The following NCOR1 variants were observed in gnomAD, a reference collection of about 807,000 sequenced individuals.
The protein encoded by NCOR1 is protein phosphatase 1, regulatory subunit 109.
In NCOR1, 63 loss-of-function variants were observed where a neutral mutation model predicts 288.1. That is an observed-to-expected ratio of 0.22 (90% CI 0.18 to 0.27). The LOEUF (loss-of-function observed/expected upper bound fraction) is 0.27, where lower values mean the gene tolerates loss of function less well. Among genes scored for constraint, NCOR1 ranks in the 10% least tolerant of loss-of-function variants. The probability of loss-of-function intolerance (pLI) is 1.00; values close to 1 mark genes in which losing one functional copy is unlikely to be tolerated. For missense variants in NCOR1, 2,397 were observed against 3,019.2 expected (o/e 0.79, Z 4.83); for synonymous variants, 1,007 against 1,065.9 (o/e 0.94, Z 1.08).
At position 16,174,027 on chromosome 17, in the gene NCOR1, C is replaced by T. The variant is rs143253675; in HGVS notation, c.243-2032G>A. Reference sequence around the variant, plus strand: ...GCTTATGACTTTAAACACTGAAAACCACAAAACATTGCTCGAAGAAATAAA... The same window carrying T: ...GCTTATGACTTTAAACACTGAAAACTACAAAACATTGCTCGAAGAAATAAA... On this transcript the variant is annotated intron_variant, in intron 3 of 45. Transcript: ENST00000268712. Among the ~76,000 whole-genome samples, 15 of 151,796 alleles carry T rather than the reference C, an allele frequency of 9.9e-5. No homozygotes were observed. The East Asian group carries it at 2.9e-3, about 29-fold the overall frequency.
intron 1 of NCOR1, among the ~76,000 whole-genome samples, chr17:16,202,814 C>CT (rs1442568076): frequency 6.6e-6 from 1 of 152,126 alleles, no homozygotes. Flanking sequence ...TGAACAGACT[C>CT]TGTTTTTTGC....
chr17:16,164,317 C>G (rs962261980), intron 5 of NCOR1, among the ~76,000 whole-genome samples: 5 of 150,332 alleles, frequency 3.3e-5, no homozygotes, highest in African/African-American at 1.2e-4. Context: ...AGTGAAGTGA[C>G]AGGCCAAAAA....
Position 16,061,915 on chromosome 17 carries a change from C to T in NCOR1, c.5388-21G>A, listed in dbSNP as rs530228618. ...GTGGCCTGTAAATAAAACCAAATCA[C>T]AGCTCTGTGAAGGGAAGACCATTTG... is the stretch of plus-strand genomic sequence containing the variant. On this transcript the variant is annotated intron_variant, in intron 36 of 45. Coordinates refer to ENST00000268712, the MANE Select transcript of NCOR1 (RefSeq NM_006311.4). The T allele has an allele frequency of 1.2e-5, 19 of 1,589,298 alleles. No homozygotes were observed. In the African/African-American group the frequency reaches 2.6e-4, roughly 22 times the overall value.
intron 40 of NCOR1, among the ~76,000 whole-genome samples, chr17:16,050,240 T>A (rs186452832): frequency 0.028 from 4,316 of 151,588 alleles, 86 homozygotes; most frequent in Non-Finnish European, 0.042. Flanking sequence ...TTTTTTTTTT[T>A]AAGACAGAGT....
At chr17:16,192,335 G>A (rs577774036) in intron 2 of NCOR1, among the ~76,000 whole-genome samples, 247 of 152,120 alleles carry the variant, frequency 1.6e-3, no homozygotes, top group African/African-American at 5.7e-3. Flanking sequence ...CCAACATAGC[G>A]AAAACTTGTC....
chr17:16,184,471 A>ATCAT (rs774141619), intron 3 of NCOR1, among the ~76,000 whole-genome samples: 1 of 152,218 alleles, frequency 6.6e-6, no homozygotes, highest in Admixed American at 6.5e-5. Flanking sequence ...GATGTTCAGT[A>ATCAT]TCATTAGTCA....
At chr17:16,191,012 T>G (rs1401619338) in intron 2 of NCOR1, among the ~76,000 whole-genome samples, 7 of 152,234 alleles carry the variant, frequency 4.6e-5, no homozygotes, top group Non-Finnish European at 8.8e-5. Context: ...GGATAAGCCA[T>G]AGGAACTGAA....
intron 11 of NCOR1, among the ~76,000 whole-genome samples, chr17:16,141,122 T>C (rs2077093258): frequency 6.6e-6 from 1 of 152,004 alleles, no homozygotes; most frequent in Non-Finnish European, 1.5e-5. Context: ...AAGAAGTACA[T>C]CTCCGGGAAT....
At chr17:16,133,770 C>T (rs2076001537) in intron 14 of NCOR1, among the ~76,000 whole-genome samples, 1 of 152,166 alleles carries the variant, frequency 6.6e-6, no homozygotes, top group South Asian at 2.1e-4. Flanking sequence ...CCCCTCAAAA[C>T]CTGCTCCTCC....
chr17:16,073,551 T>C lies in NCOR1; in HGVS notation c.3689A>G (p.Glu1230Gly). ...LSYDNIKNAR[E>G]GTRSPRTAHE... ...AGCTGTTCTTGGACTCCTAGTCCCT[T>C]CTCGGGCATTCTTAATATCTACAGA... The change falls in exon 28 of 46, where the codon GAA becomes GGA. Residue 1230 changes from glutamate (E) to glycine (G), a missense_variant. By Grantham distance (98) the Glu-to-Gly change is moderately conservative (BLOSUM62 -2). Transcript: ENST00000268712. The C allele has an allele frequency of 6.2e-7, 1 of 1,607,514 alleles. No homozygotes were observed. The highest frequency in any genetic ancestry group is 1.7e-4 in the Middle Eastern group (1 of 6,048).
rs1176165919 is a variant in NCOR1, at chr17:16,048,992, T to C, written c.6393-4A>G. 6 of 1,597,582 alleles carry C rather than the reference T, an allele frequency of 3.8e-6. No individual in the cohort carries two copies. Among genetic ancestry groups the C allele is most frequent in the South Asian group, 2.2e-5 (2 of 89,356 alleles). ...CTCTGGGGATTTTCCAGGCCTACTATTGTAATATGTGAAATATTAGATTGT... is the reference window on the plus strand; with the variant it reads ...CTCTGGGGATTTTCCAGGCCTACTACTGTAATATGTGAAATATTAGATTGT... On this transcript the variant is annotated splice_region_variant and splice_polypyrimidine_tract_variant and intron_variant, in intron 40 of 45. Coordinates refer to ENST00000268712, the MANE Select transcript of NCOR1 (RefSeq NM_006311.4).
Position 16,032,406 on chromosome 17 carries a change from G to T in NCOR1, c.7213C>A (p.Pro2405Thr). 6.2e-7 allele frequency: 1 copy of T among 1,614,094 alleles called. No homozygotes were observed. The highest frequency in any genetic ancestry group is 8.5e-7 in the Non-Finnish European group (1 of 1,180,000). ...GGAGCTGCTTGGTTCACCGCAGAGG[G>T]AGCACATGCAATCGGTGTTGGTGGA... The part of the protein sequence containing the change: ...STPPTPIACA[P>T]SAVNQAAPHQ... Residue 2405 changes from proline to threonine, a missense_variant, in exon 46 of 46, where the codon CCC (proline) becomes ACC (threonine). Pro to Thr is a conservative substitution (Grantham distance 38, BLOSUM62 -1). Transcript: ENST00000268712.
intron 18 of NCOR1, among the ~76,000 whole-genome samples, chr17:16,112,933 T>G (rs944279471): frequency 3.3e-5 from 5 of 152,044 alleles, no homozygotes; most frequent in Non-Finnish European, 7.4e-5. Context: ...TATTTTGAGA[T>G]GGAATCTCGC....
At position 16,030,665 on chromosome 17, in the gene NCOR1, G is replaced by C. The variant is rs1213483764; in HGVS notation, c.*1631C>G. On this transcript the variant is annotated 3_prime_UTR_variant, in exon 46 of 46. Coordinates refer to ENST00000268712, the MANE Select transcript of NCOR1 (RefSeq NM_006311.4). ...CTAAAGTTTATGTTGGGGACCTCAG[G>C]TATACAGGAGTGGAACAGGGACAGG... The C allele has an allele frequency of 5.5e-6, 1 of 180,340 alleles. No individual in the cohort carries two copies. Among genetic ancestry groups the C allele is most frequent in the African/African-American group, 2.4e-5 (1 of 42,384 alleles). 11.2% of individuals were successfully genotyped at this position (180,340 alleles called of 1,614,324 possible).
intron 14 of NCOR1, among the ~76,000 whole-genome samples, chr17:16,127,321 A>ATATGTATG (rs1217771521): frequency 1.0e-5 from 1 of 96,148 alleles, no homozygotes; most frequent in African/African-American, 4.3e-5. Context: ...ATGTATGTAT[A>ATATGTATG]TATGTATGTA....
chr17:16,200,259 C>A (rs925604970), intron 1 of NCOR1, among the ~76,000 whole-genome samples: 1 of 151,666 alleles, frequency 6.6e-6, no homozygotes, highest in Non-Finnish European at 1.5e-5. Flanking sequence ...AAGCCAAGGC[C>A]GGCGGATCAC....
intron 21 of NCOR1, among the ~76,000 whole-genome samples, chr17:16,092,672 TATATATATATATATATATA>T (rs1567957952): frequency 4.7e-4 from 8 of 17,072 alleles, no homozygotes; most frequent in African/African-American, 9.2e-4. Context: ...TATATATATA[TATATATATATATATATATA>T]TATATTTTTT....
Position 16,048,979 on chromosome 17 carries a change from T to G in NCOR1, c.6402A>C (p.Gly2134=), listed in dbSNP as rs2058989243. The part of the protein sequence containing the change: ...LVDKSRGSRP[G]KSPERSHVSS... ...AGACGTGACTCCTCTCTGGGGATTT[T>G]CCAGGCCTACTATTGTAATATGTGA... The change falls in exon 41 of 46, where the codon GGA becomes GGC. Residue 2134 remains glycine, a synonymous_variant. Coordinates refer to ENST00000268712, the MANE Select transcript of NCOR1 (RefSeq NM_006311.4). The G allele has an allele frequency of 1.2e-6, 2 of 1,608,632 alleles. No homozygotes were observed. Among genetic ancestry groups the G allele is most frequent in the Non-Finnish European group, 1.7e-6 (2 of 1,176,488 alleles).
At chr17:16,063,917 A>C in intron 35 of NCOR1, 151 bp downstream of exon 35, 1 of 1,006,616 alleles carries the variant, frequency 9.9e-7, no homozygotes. Flanking sequence ...CAGCTGCTAC[A>C]GCACTTTCAC....
Sources: gnomAD v4.1 joint callset for allele counts (sites outside exome capture counted in the v4.1 genomes callset) on GRCh38, gnomAD v4.1.1 for gene constraint, MANE v1.5 for transcripts, NCBI Gene and HGNC (gene_info 2026-07-23, HGNC 2026-07-21) for gene names.